The following POC1B variants were observed in gnomAD, a reference collection of about 807,000 sequenced individuals.
POC1B encodes POC1 centriolar protein B.
Under a neutral mutation model 60.6 loss-of-function variants are expected in POC1B, and 44 were observed. The observed-to-expected ratio is 0.73, with a 90% CI of 0.57 to 0.93. The LOEUF (loss-of-function observed/expected upper bound fraction) is 0.93. Among genes scored for constraint, POC1B ranks in the 40% least tolerant of loss-of-function variants. The probability of loss-of-function intolerance (pLI) is 0.00; values close to 1 mark genes in which losing one functional copy is unlikely to be tolerated. For missense variants in POC1B, 555 were observed against 572.3 expected (o/e 0.97, Z 0.31); for synonymous variants, 180 against 198.9 (o/e 0.90, Z 0.80).
intron 4 of POC1B, chr12:89,472,569 T>C (rs1252529436): frequency 8.0e-6 from 2 of 249,752 alleles, no homozygotes; most frequent in African/African-American, 2.3e-5. Flanking sequence ...TTTGATTCAA[T>C]TCTGTACTCA....
chr12:89,497,467 G>A (rs889167483), intron 2 of POC1B, 125 bp from the exon 3 acceptor site: 1 of 939,230 alleles, frequency 1.1e-6, no homozygotes, highest in Admixed American at 2.8e-5. Flanking sequence ...AGGTTGTAAG[G>A]CTGCCCAGGT....
At chr12:89,525,069 G>T (rs1359291078) in intron 2 of POC1B, 51 bp downstream of exon 2, 1 of 1,611,026 alleles carries the variant, frequency 6.2e-7, no homozygotes, top group African/African-American at 1.3e-5. Context: ...AAAGGTTTCC[G>T]GCCCATGGAG....
At chr12:89,490,488 G>A (rs1433645546) in intron 4 of POC1B, among the ~76,000 whole-genome samples, 1 of 152,112 alleles carries the variant, frequency 6.6e-6, no homozygotes, top group Non-Finnish European at 1.5e-5. Flanking sequence ...GGGACTACAG[G>A]CACCTGCCAC....
chr12:89,421,756 C>T (rs571944392), intron 11 of POC1B, among the ~76,000 whole-genome samples: 2 of 152,138 alleles, frequency 1.3e-5, no homozygotes, highest in African/African-American at 4.8e-5. Flanking sequence ...TCCTAACAAT[C>T]GCCTCCAGTT....
intron 2 of POC1B, among the ~76,000 whole-genome samples, chr12:89,509,624 A>G (rs1321625414): frequency 6.6e-6 from 1 of 152,220 alleles, no homozygotes; most frequent in East Asian, 1.9e-4. Context: ...ATATGTAGGT[A>G]TATCAATTGA....
intron 10 of POC1B, among the ~76,000 whole-genome samples, chr12:89,450,212 C>CTT (rs552999955): frequency 2.1e-5 from 3 of 144,894 alleles, no homozygotes; most frequent in Admixed American, 6.9e-5. Flanking sequence ...AAATCTTCTT[C>CTT]TTTTTTTTTT....
intron 10 of POC1B, among the ~76,000 whole-genome samples, chr12:89,455,779 C>T (rs979139061): frequency 6.6e-6 from 1 of 152,144 alleles, no homozygotes; most frequent in African/African-American, 2.4e-5. Context: ...ATATTATGCA[C>T]AGTTGCCAGG....
chr12:89,524,261 T>C, intron 2 of POC1B: 1 of 1,613,982 alleles, frequency 6.2e-7, no homozygotes, highest in East Asian at 2.2e-5. Context: ...TATCTCTCAA[T>C]GAGTTCTTCT....
At chr12:89,500,339 C>T in intron 2 of POC1B, 1 of 1,512,230 alleles carries the variant, frequency 6.6e-7, no homozygotes, top group Non-Finnish European at 9.2e-7. Context: ...GAAATCACAT[C>T]CAAAGTCAGT....
chr12:89,468,685 T>A (rs1469238490), intron 7 of POC1B, among the ~76,000 whole-genome samples: 2 of 152,058 alleles, frequency 1.3e-5, no homozygotes, highest in African/African-American at 4.8e-5. Flanking sequence ...TTATGTTTAT[T>A]CAGCCTAAAT....
At chr12:89,525,628 G>A (rs1241219595) in intron 1 of POC1B, 3 of 1,276,572 alleles carry the variant, frequency 2.4e-6, no homozygotes, top group Non-Finnish European at 3.0e-6. Flanking sequence ...TCTGGGGGCC[G>A]TGGGGCCGCC....
At chr12:89,495,202 C>T (rs560077613) in intron 3 of POC1B, among the ~76,000 whole-genome samples, 2 of 152,212 alleles carry the variant, frequency 1.3e-5, no homozygotes, top group East Asian at 1.9e-4. Flanking sequence ...GCTCATCTAC[C>T]CTTATACAAT....
rs1351468102 is a variant in POC1B at position 89,425,199 on chromosome 12, A to G, written c.1294T>C (p.Leu432=). ...TTGAGTTGTTCCATAATATGCTCTAAAGCATCAGTCACAGCGAGAGGTATG... is the reference window on the plus strand; with the variant it reads ...TTGAGTTGTTCCATAATATGCTCTAGAGCATCAGTCACAGCGAGAGGTATG... ...RSIPLAVTDA[L]EHIMEQLNVL... Residue 432 remains leucine, a synonymous_variant, in exon 11 of 12, where the codon TTA becomes CTA. Transcript: ENST00000313546. 6.2e-7 allele frequency: 1 copy of G among 1,614,150 alleles called. No individual in the cohort carries two copies. Among genetic ancestry groups the G allele is most frequent in the Middle Eastern group, 1.6e-4 (1 of 6,062 alleles).
downstream of POC1B, among the ~76,000 whole-genome samples, chr12:89,419,393 A>G (rs1285842051): frequency 1.3e-5 from 2 of 152,220 alleles, no homozygotes; most frequent in African/African-American, 4.8e-5. Flanking sequence ...ATCTGCATTT[A>G]TATCATCACT....
the POC1B span, among the ~76,000 whole-genome samples, chr12:89,408,497 T>G: frequency 4.6e-5 from 7 of 151,742 alleles, no homozygotes; most frequent in African/African-American, 1.4e-4. Context: ...TTTTTTTTTT[T>G]TTTTTTGAGA....
intron 2 of POC1B, among the ~76,000 whole-genome samples, chr12:89,511,657 A>C (rs1870193602): frequency 1.3e-5 from 2 of 152,134 alleles, no homozygotes; most frequent in Admixed American, 1.3e-4. Context: ...AGACTGCTTT[A>C]TTTGGGGGAA....
At chr12:89,509,429 C>T (rs1449025255) in intron 2 of POC1B, among the ~76,000 whole-genome samples, 7 of 151,416 alleles carry the variant, frequency 4.6e-5, no homozygotes, top group Non-Finnish European at 8.8e-5. Context: ...TGAAATGGGC[C>T]TTTTTTTTTC....
intron 4 of POC1B, among the ~76,000 whole-genome samples, chr12:89,480,441 T>G (rs911962719): frequency 6.6e-6 from 1 of 151,134 alleles, no homozygotes; most frequent in Non-Finnish European, 1.5e-5. Flanking sequence ...TTTTTTTTTT[T>G]TATAGAGTCT....
chr12:89,497,939 A>T (rs1869340872), intron 2 of POC1B, among the ~76,000 whole-genome samples: 1 of 152,148 alleles, frequency 6.6e-6, no homozygotes, highest in South Asian at 2.1e-4. Flanking sequence ...ACACACAAAC[A>T]CATACGTATT....
Sources: gnomAD v4.1 joint callset for allele counts (sites outside exome capture counted in the v4.1 genomes callset) on GRCh38, gnomAD v4.1.1 for gene constraint, MANE v1.5 for transcripts, NCBI Gene and HGNC (gene_info 2026-07-23, HGNC 2026-07-21) for gene names.